The following IGFN1 variants were observed in gnomAD, a reference collection of about 807,000 sequenced individuals.
IGFN1 encodes immunoglobulin like and fibronectin type III domain containing 1.
IGFN1 carries 253 observed loss-of-function variants against 289.5 expected under a neutral mutation model. The ratio of observed to expected loss-of-function variants is 0.87; its 90% CI spans 0.79 to 0.97. IGFN1 has a LOEUF of 0.97. Among genes scored for constraint, IGFN1 ranks in the 50% least tolerant of loss-of-function variants. IGFN1 has a pLI of 0.00. For synonymous variants in IGFN1, 1,706 were observed against 1,788.5 expected (o/e 0.95, Z 1.16); for missense variants, 4,470 against 4,686.1 (o/e 0.95, Z 1.35).
rs1205580745 is a variant in IGFN1 at position 201,206,840 on chromosome 1, G to T, written c.1947G>T (p.Gly649=). The change falls in exon 12 of 24, where the codon GGG becomes GGT. Residue 649 remains glycine (G), a synonymous_variant. Coordinates refer to ENST00000335211, the MANE Select transcript of IGFN1 (RefSeq NM_001164586.2). ...DRGDAPSRER[G]RGIVVWGGGT... ...GGGATGCTCCAAGTAGGGAAAGGGG[G>T]AGAGGAATAGTAGTGTGGGGTGGTG... 1.3e-6 allele frequency: 2 copies of T among 1,536,826 alleles called. No homozygotes were observed. Among genetic ancestry groups the T allele is most frequent in the Non-Finnish European group, 1.7e-6 (2 of 1,146,866 alleles).
Position 201,209,402 on chromosome 1 carries a change from G to A in IGFN1, c.4509G>A (p.Glu1503=). 6.6e-7 allele frequency: 1 copy of A among 1,524,640 alleles called. No homozygotes were observed. Among genetic ancestry groups the A allele is most frequent in the Non-Finnish European group, 8.8e-7 (1 of 1,141,094 alleles). The allele number at this position is 1,524,640 out of a possible 1,614,324, so 94.4% of individuals were successfully genotyped here. ...AGYRKDLGVS[E]GGGSGSKAGY... is the part of the protein sequence containing the mutation. ...ATAGGAAAGATTTGGGGGTTTCTGA[G>A]GGAGGGGGTTCAGGGAGCAAAGCAG... The change falls in exon 12 of 24, where the codon GAG becomes GAA. Residue 1503 remains glutamate, a synonymous_variant. Coordinates refer to ENST00000335211, the MANE Select transcript of IGFN1 (RefSeq NM_001164586.2).
chr1:201,200,177 G>A (rs865972860), intron 7 of IGFN1, 60 bp from the exon 8 acceptor site: 1 of 1,423,838 alleles, frequency 7.0e-7, no homozygotes, highest in Middle Eastern at 1.8e-4. Context: ...ACCAGAGCCA[G>A]GTGGCCAACA....
rs562971453 is a variant in IGFN1, at chr1:201,214,885, C to T, written c.8854-128C>T. ...GTGCTAAGCACAGAGAGCATTGGCACACAATAAGCATTCCATTCACACAGC... is the reference window on the plus strand; with the variant it reads ...GTGCTAAGCACAGAGAGCATTGGCATACAATAAGCATTCCATTCACACAGC... On this transcript the variant is annotated intron_variant, in intron 13 of 23. Transcript: ENST00000335211. 117 of 916,614 alleles carry T rather than the reference C, an allele frequency of 1.3e-4. 1 individual carries two copies. The South Asian group carries it at 2.0e-3, about 16-fold the overall frequency. 56.8% of individuals were successfully genotyped at this position (916,614 alleles called of 1,614,324 possible).
chr1:201,207,684 A>G lies in IGFN1; in HGVS notation c.2791A>G (p.Arg931Gly). Residue 931 changes from arginine (R) to glycine (G), a missense_variant, in exon 12 of 24, where the codon AGA becomes GGA. Coordinates refer to ENST00000335211, the MANE Select transcript of IGFN1 (RefSeq NM_001164586.2). ...PDFWNGSGSSRVKGPRGETGY... is the reference protein window; with the variant it reads ...PDFWNGSGSSGVKGPRGETGY... ...TTTCTGGAATGGGTCAGGGAGCTCC[A>G]GAGTAAAAGGACCCAGAGGTGAGAC... 2.0e-6 allele frequency: 3 copies of G among 1,537,078 alleles called. No individual in the cohort carries two copies. Among genetic ancestry groups the G allele is most frequent in the Non-Finnish European group, 2.6e-6 (3 of 1,146,878 alleles).
chr1:201,211,365 G>T lies in IGFN1; in HGVS notation c.6472G>T (p.Ala2158Ser), dbSNP rs1667778942. The change falls in exon 12 of 24, where the codon GCA becomes TCA. Residue 2158 changes from alanine to serine, a missense_variant. This residue lies in a region of IGFN1 where 2,218 missense variants were observed against 2,114.1 expected (regional missense o/e 1.05). Coordinates refer to ENST00000335211, the MANE Select transcript of IGFN1 (RefSeq NM_001164586.2). ...TAAGGGAATGGGTTCAGAGAGTAAG[G>T]CAGGTTTTAGGGATGGTTTAGGGAG... The part of the protein sequence containing the change: ...APKGMGSESK[A>S]GFRDGLGSSG... 1 of 1,490,548 alleles carries T rather than the reference G, an allele frequency of 6.7e-7. No homozygotes were observed. Among genetic ancestry groups the T allele is most frequent in the Non-Finnish European group, 8.9e-7 (1 of 1,118,352 alleles). 92.3% of individuals were successfully genotyped at this position (1,490,548 alleles called of 1,614,324 possible).
rs746455884 is a variant in IGFN1, at chr1:201,225,859, G to A, written c.10522G>A (p.Glu3508Lys). 1 of 1,613,142 alleles carries A rather than the reference G, an allele frequency of 6.2e-7. No individual in the cohort carries two copies. The highest frequency in any genetic ancestry group is 8.5e-7 in the Non-Finnish European group (1 of 1,179,842). The change falls in exon 22 of 24, where the codon GAG (glutamate) becomes AAG (lysine). Residue 3508 changes from glutamate to lysine, a missense_variant. Glu to Lys is a moderately conservative substitution (Grantham distance 56). Coordinates refer to ENST00000335211, the MANE Select transcript of IGFN1 (RefSeq NM_001164586.2). ...GGCCCCTGGGCCCATCCACCTGCAG[G>A]AGAACGTGCCTGGGACGGTGACGGC... ...PQAPGPIHLQ[E>K]NVPGTVTAEW...
intron 18 of IGFN1, among the ~76,000 whole-genome samples, chr1:201,219,355 C>T (rs1477744282): frequency 6.6e-6 from 1 of 152,238 alleles, no homozygotes; most frequent in African/African-American, 2.4e-5. Flanking sequence ...CATTTTCTAT[C>T]TGAGACCTGT....
intron 10 of IGFN1, 84 bp downstream of exon 10, chr1:201,203,990 G>A (rs2102329300): frequency 1.6e-6 from 2 of 1,259,102 alleles, no homozygotes; most frequent in South Asian, 3.0e-5. Context: ...TGTGTTGGGG[G>A]GTAAATGTGA....
chr1:201,191,479 A>T (rs972070317), intron 1 of IGFN1, among the ~76,000 whole-genome samples: 9 of 152,330 alleles, frequency 5.9e-5, no homozygotes, highest in African/African-American at 1.9e-4. Flanking sequence ...TTGTTGGGAC[A>T]GCTGAAGTGA....
In IGFN1 at chr1:201,213,323, GA is replaced by G; in HGVS notation, c.8431del (p.Arg2811GlyfsTer47). 1 of 1,588,236 alleles carries G rather than the reference GA, an allele frequency of 6.3e-7. No homozygotes were observed. Among genetic ancestry groups the G allele is most frequent in the Admixed American group, 1.8e-5 (1 of 54,928 alleles). On this transcript the variant is annotated frameshift_variant, in exon 12 of 24. Transcript: ENST00000335211. LOFTEE classifies it high-confidence loss of function. ...TGGAAGAGGCTGGGAGGTCAGGCAG[GA>G]GGCCTGGCTCACTCAGGAGCAGGTC... is the stretch of plus-strand genomic sequence containing the variant. ...GVEEAGRSGR[R>X]PGSLRSRSQA...
At position 201,216,474 on chromosome 1, in the gene IGFN1, G is replaced by A; in HGVS notation, c.9316G>A (p.Gly3106Ser). ...CCCAGACAAGCCTGATCCCCCACAA[G>A]GCCCCATGGAGGTTCAGGATTGCCA... ...QVIDKPDPPQ[G>S]PMEVQDCHRA... Residue 3106 changes from glycine to serine, a missense_variant, in exon 16 of 24, where the codon GGC (glycine) becomes AGC (serine). Physicochemically the swap from Gly to Ser is moderately conservative, Grantham distance 56. Coordinates refer to ENST00000335211, the MANE Select transcript of IGFN1 (RefSeq NM_001164586.2). The A allele has an allele frequency of 6.3e-7, 1 of 1,580,812 alleles. No individual in the cohort carries two copies. The highest frequency in any genetic ancestry group is 8.6e-7 in the Non-Finnish European group (1 of 1,163,706).
intron 10 of IGFN1, 129 bp downstream of exon 10, chr1:201,204,035 G>A: frequency 1.2e-6 from 1 of 865,496 alleles, no homozygotes; most frequent in Non-Finnish European, 1.8e-6. Flanking sequence ...TTGGGAGAGG[G>A]ACACATACCT....
At chr1:201,221,375 A>G in intron 18 of IGFN1, 69 bp from the exon 19 acceptor site, 1 of 1,195,440 alleles carries the variant, frequency 8.4e-7, no homozygotes, top group Non-Finnish European at 1.2e-6. Context: ...AAGGAAGGCT[A>G]ATCAATATCC....
At chr1:201,205,483 T>A in intron 11 of IGFN1, 129 bp downstream of exon 11, 2 of 1,067,560 alleles carry the variant, frequency 1.9e-6, no homozygotes, top group Non-Finnish European at 2.6e-6. Context: ...TAGATTATTC[T>A]CCACCCACTG....
intron 20 of IGFN1, 87 bp downstream of exon 20, chr1:201,222,914 G>C (rs564865296): frequency 2.0e-5 from 17 of 838,814 alleles, no homozygotes; most frequent in Non-Finnish European, 3.2e-5. Context: ...TTTCTTCCCT[G>C]TTCCTTTTTG....
At chr1:201,221,847 C>T in intron 19 of IGFN1, 101 bp downstream of exon 19, 1 of 1,020,310 alleles carries the variant, frequency 9.8e-7, no homozygotes, top group Non-Finnish European at 1.4e-6. Context: ...GGATCCCCAC[C>T]CTCAGTTTCA....
chr1:201,200,233 C>T lies in IGFN1; in HGVS notation c.459-4C>T, dbSNP rs898976023. On this transcript the variant is annotated splice_region_variant and splice_polypyrimidine_tract_variant and intron_variant, in intron 7 of 23. Transcript: ENST00000335211. ...GCCTCTGACCTGCTAGCCTTGCTCC[C>T]CAGGGCCCCACCAGCCCCCAAGAAA... 6.4e-7 allele frequency: 1 copy of T among 1,550,838 alleles called. No homozygotes were observed. Among genetic ancestry groups the T allele is most frequent in the African/African-American group, 1.4e-5 (1 of 73,046 alleles).
At position 201,227,137 on chromosome 1, in the gene IGFN1, G is replaced by A; in HGVS notation, c.11042G>A (p.Ser3681Asn). ...LTIPSVSPKDSGEYKAVAENT... is the reference protein window; with the variant it reads ...LTIPSVSPKDNGEYKAVAENT... ...ATCCCCAGCGTATCCCCGAAGGACA[G>A]CGGGGAGTACAAGGCTGTGGCTGAG... The change falls in exon 23 of 24, where the codon AGC becomes AAC. Residue 3681 changes from serine to asparagine, a missense_variant. Physicochemically the swap from Ser to Asn is conservative, Grantham distance 46. This residue lies in a region of IGFN1 where 2,218 missense variants were observed against 2,114.1 expected (regional missense o/e 1.05). Coordinates refer to ENST00000335211, the MANE Select transcript of IGFN1 (RefSeq NM_001164586.2). The A allele has an allele frequency of 1.2e-6, 2 of 1,613,354 alleles. No individual in the cohort carries two copies. The highest frequency in any genetic ancestry group is 1.7e-6 in the Non-Finnish European group (2 of 1,179,966).
intron 17 of IGFN1, 108 bp from the exon 18 acceptor site, chr1:201,218,422 T>A: frequency 9.8e-7 from 1 of 1,019,392 alleles, no homozygotes; most frequent in Non-Finnish European, 1.4e-6. Flanking sequence ...TAGGGAGGGA[T>A]GTGTTAGGAC....
Sources: gnomAD v4.1 joint callset for allele counts (sites outside exome capture counted in the v4.1 genomes callset) on GRCh38, gnomAD v4.1.1 for gene constraint, gnomAD v4.1.1 regional missense constraint, MANE v1.5 for transcripts, NCBI Gene and HGNC (gene_info 2026-07-23, HGNC 2026-07-21) for gene names.